The following CECR2 variants were observed in gnomAD, a reference collection of about 807,000 sequenced individuals.
CECR2 encodes the protein chromatin remodeling regulator CECR2.
In CECR2, 30 loss-of-function variants were observed where a neutral mutation model predicts 154.5. The ratio of observed to expected loss-of-function variants is 0.19; its 90% CI spans 0.15 to 0.26. The LOEUF is 0.26. Ranked by LOEUF, CECR2 falls within the 10% of genes least tolerant of loss-of-function variation. The pLI is 1.00. For synonymous variants in CECR2, 725 were observed against 683.7 expected, an observed-to-expected ratio of 1.06 and a Z score of -0.94; for missense variants, 1,743 against 1,829.3, an observed-to-expected ratio of 0.95 and a Z score of 0.86.
At position 17,553,046 on chromosome 22, in the gene CECR2, T is replaced by G; in HGVS notation, c.*206T>G. 2.5e-6 allele frequency: 3 copies of G among 1,222,540 alleles called. No homozygotes were observed. Among genetic ancestry groups the G allele is most frequent in the Non-Finnish European group, 2.1e-6 (2 of 943,104 alleles). The allele number at this position is 1,222,540 out of a possible 1,614,324, so 75.7% of individuals were successfully genotyped here. A position where few individuals can be genotyped will look rare whatever the true frequency, so the allele number is the denominator to read the frequency against. ...ACTGACACACAGATTGCAAAGGTCC[T>G]CGGCCAGGGATCTCTTGCACAGCTG... On this transcript the variant is annotated 3_prime_UTR_variant, in exon 19 of 19. Coordinates refer to ENST00000262608, the MANE Select transcript of CECR2 (RefSeq NM_001290047.2).
intron 1 of CECR2, among the ~76,000 whole-genome samples, chr22:17,451,653 G>A (rs2054772929): frequency 6.6e-6 from 1 of 152,140 alleles, no homozygotes; most frequent in Non-Finnish European, 1.5e-5. Context: ...TGCCTGGAAA[G>A]TTCTTTCCAG....
upstream of CECR2, among the ~76,000 whole-genome samples, chr22:17,365,697 A>AAAAC (rs149849638): frequency 8.7e-3 from 1,328 of 152,134 alleles, 20 homozygotes; most frequent in African/African-American, 0.03. Context: ...CTGTCTCGGA[A>AAAAC]AAACAAACAA....
chr22:17,522,549 G>A (rs1264135879), intron 8 of CECR2, among the ~76,000 whole-genome samples: 1 of 152,178 alleles, frequency 6.6e-6, no homozygotes, highest in African/African-American at 2.4e-5. Context: ...AGATTTTATG[G>A]TTGTTATTTA....
At chr22:17,453,712 T>C (rs2054808444) in intron 1 of CECR2, among the ~76,000 whole-genome samples, 1 of 152,220 alleles carries the variant, frequency 6.6e-6, no homozygotes, top group African/African-American at 2.4e-5. Context: ...TTTTCCTTGA[T>C]AGGAATTTTA....
intron 1 of CECR2, chr22:17,419,239 C>G (rs1009675769): frequency 2.6e-5 from 4 of 154,214 alleles, no homozygotes; most frequent in African/African-American, 7.2e-5. Flanking sequence ...GAAGCTCCCG[C>G]GGAAGACTGG....
intron 2 of CECR2, among the ~76,000 whole-genome samples, chr22:17,493,434 C>CT (rs1320051171): frequency 2.0e-5 from 3 of 152,138 alleles, no homozygotes; most frequent in Admixed American, 6.5e-5. Context: ...TTTTAGCTTC[C>CT]TGAAGCCTTT....
chr22:17,364,359 A>AAAAAAAAAAAC (rs2062991117), intron 1 of CECR2, among the ~76,000 whole-genome samples: 1 of 150,396 alleles, frequency 6.6e-6, no homozygotes, highest in Non-Finnish European at 1.5e-5. Flanking sequence ...AAAAAAAAAA[A>AAAAAAAAAAAC]AAAGAATTTG....
chr22:17,494,377 G>T (rs751799317), intron 2 of CECR2, among the ~76,000 whole-genome samples: 14 of 152,050 alleles, frequency 9.2e-5, no homozygotes, highest in African/African-American at 3.4e-4. Flanking sequence ...CAAATTCACC[G>T]TTACGACACT....
intron 1 of CECR2, among the ~76,000 whole-genome samples, chr22:17,454,619 A>AAC (rs977381672): frequency 2.8e-4 from 43 of 152,026 alleles, no homozygotes; most frequent in African/African-American, 9.9e-4. Flanking sequence ...AAAAAAAAAA[A>AAC]ACCCTGCAGC....
At chr22:17,433,717 A>C (rs2054461479) in intron 1 of CECR2, among the ~76,000 whole-genome samples, 1 of 152,158 alleles carries the variant, frequency 6.6e-6, no homozygotes, top group Non-Finnish European at 1.5e-5. Flanking sequence ...AAAGTACTGG[A>C]ATTACAGGCA....
intron 10 of CECR2, among the ~76,000 whole-genome samples, chr22:17,537,647 AT>A (rs1255025466): frequency 6.6e-6 from 1 of 152,180 alleles, no homozygotes; most frequent in African/African-American, 2.4e-5. Context: ...TTATCATATG[AT>A]TTTTTGGATT....
intron 8 of CECR2, among the ~76,000 whole-genome samples, chr22:17,523,755 CAAAAA>C (rs66963477): frequency 5.9e-5 from 6 of 101,162 alleles, no homozygotes; most frequent in African/African-American, 1.1e-4. Context: ...GACTCTATCT[CAAAAA>C]AAAAAAAAAA....
At chr22:17,523,633 G>A (rs2056197086) in intron 8 of CECR2, among the ~76,000 whole-genome samples, 1 of 151,674 alleles carries the variant, frequency 6.6e-6, no homozygotes, top group East Asian at 2.0e-4. Flanking sequence ...GCAGGCGCCT[G>A]TAGTTCCAGT....
At chr22:17,443,134 T>A (rs1187676759) in intron 1 of CECR2, among the ~76,000 whole-genome samples, 2 of 152,198 alleles carry the variant, frequency 1.3e-5, no homozygotes, top group African/African-American at 2.4e-5. Flanking sequence ...TAGCTCGTTT[T>A]CTTAAAGGAC....
intron 12 of CECR2, 27 bp from the exon 13 acceptor site, chr22:17,538,966 C>T: frequency 1.2e-6 from 2 of 1,605,954 alleles, no homozygotes; most frequent in Middle Eastern, 1.7e-4. Context: ...CATATTTTAA[C>T]TATAAAGAGT....
intron 1 of CECR2, among the ~76,000 whole-genome samples, chr22:17,416,220 T>C (rs1338869114): frequency 1.3e-5 from 2 of 152,178 alleles, no homozygotes; most frequent in Non-Finnish European, 2.9e-5. Flanking sequence ...GCTAGAGACA[T>C]GAAGAAAGGA....
At chr22:17,369,085 G>A (rs1162157101), upstream of CECR2, among the ~76,000 whole-genome samples, 2 of 152,122 alleles carry the variant, frequency 1.3e-5, no homozygotes, top group South Asian at 2.1e-4. Flanking sequence ...ACACGTGCAC[G>A]TTTCTGTCTC....
At chr22:17,409,405 G>T (rs2054034714) in intron 1 of CECR2, among the ~76,000 whole-genome samples, 1 of 110,728 alleles carries the variant, frequency 9.0e-6, no homozygotes, top group Admixed American at 9.6e-5. Flanking sequence ...GCTAATTTTT[G>T]TATTTTTAGT....
intron 2 of CECR2, among the ~76,000 whole-genome samples, chr22:17,481,049 T>TAAAAAAAAAAAAA (rs572712907): frequency 3.5e-4 from 32 of 92,064 alleles, no homozygotes; most frequent in African/African-American, 5.1e-4. Context: ...CTTTTTTTTT[T>TAAAAAAAAAAAAA]AAAAAAAAAA....
Sources: gnomAD v4.1 joint callset for allele counts (sites outside exome capture counted in the v4.1 genomes callset) on GRCh38, gnomAD v4.1.1 for gene constraint, MANE v1.5 for transcripts, NCBI Gene and HGNC (gene_info 2026-07-23, HGNC 2026-07-21) for gene names.